Variants in SORCS3 observed in about 807,000 individuals in gnomAD.
The protein encoded by SORCS3 is sortilin related VPS10 domain containing receptor 3.
Under a neutral mutation model 146.3 loss-of-function variants are expected in SORCS3, and 57 were observed. That is an observed-to-expected ratio of 0.39 (90% CI 0.31 to 0.49). The LOEUF is 0.49. Ranked by LOEUF, SORCS3 falls within the 20% of genes least tolerant of loss-of-function variation. SORCS3 has a pLI of 0.92. For missense variants in SORCS3, 1,341 were observed against 1,575.5 expected (o/e 0.85, Z 2.52); for synonymous variants, 653 against 618.5 (o/e 1.06, Z -0.83).
intron 1 of SORCS3, among the ~76,000 whole-genome samples, chr10:104,832,750 T>TAAATAAATAAAC (rs58541807): frequency 0.017 from 2,530 of 151,852 alleles, 23 homozygotes; most frequent in South Asian, 0.029. Context: ...AATAAATAAA[T>TAAATAAATAAAC]GAACGAACGA....
chr10:105,138,161 T>C (rs959184232), intron 7 of SORCS3, among the ~76,000 whole-genome samples: 2 of 152,164 alleles, frequency 1.3e-5, no homozygotes, highest in Non-Finnish European at 2.9e-5. Context: ...AAAACCAGTC[T>C]CTCTTCTTGG....
At chr10:105,218,224 G>A (rs1293919343) in intron 19 of SORCS3, among the ~76,000 whole-genome samples, 2 of 152,176 alleles carry the variant, frequency 1.3e-5, no homozygotes, top group Non-Finnish European at 2.9e-5. Context: ...CCCTAAAAAT[G>A]CCAGGCTACA....
intron 5 of SORCS3, among the ~76,000 whole-genome samples, chr10:105,068,878 C>A (rs928671282): frequency 6.6e-6 from 1 of 152,104 alleles, no homozygotes; most frequent in African/African-American, 2.4e-5. Context: ...TAGTAAGATG[C>A]CTTTATAGAT....
Position 105,157,183 on chromosome 10 carries a change from G to C in SORCS3, c.1528G>C (p.Asp510His), listed in dbSNP as rs62620040. The change falls in exon 10 of 27, where the codon GAC becomes CAC. Residue 510 changes from aspartate (D) to histidine (H), a missense_variant. Coordinates refer to ENST00000369701, the MANE Select transcript of SORCS3 (RefSeq NM_014978.3). ...GIFLANKKVD[D>H]QVKTYITYNK... ...ATTTCTGGCAAACAAGAAGGTGGAC[G>C]ACCAGGTGAAGACATACATCACTTA... 5.0e-6 allele frequency: 8 copies of C among 1,613,982 alleles called. No homozygotes were observed. The highest frequency in any genetic ancestry group is 1.7e-4 in the Middle Eastern group (1 of 6,058).
intron 16 of SORCS3, among the ~76,000 whole-genome samples, chr10:105,209,011 G>C (rs992115449): frequency 5.3e-5 from 8 of 152,094 alleles, no homozygotes; most frequent in Admixed American, 1.3e-4. Flanking sequence ...CATGATTCTT[G>C]TCACATTAAC....
chr10:105,171,749 A>G (rs1000316286), intron 13 of SORCS3, among the ~76,000 whole-genome samples: 11 of 152,300 alleles, frequency 7.2e-5, no homozygotes, highest in African/African-American at 1.4e-4. Flanking sequence ...TTGATTCTCA[A>G]TGACCACTGT....
At chr10:104,890,364 A>G (rs767727406) in intron 2 of SORCS3, among the ~76,000 whole-genome samples, 11 of 151,276 alleles carry the variant, frequency 7.3e-5, no homozygotes, top group Non-Finnish European at 1.3e-4. Context: ...TTTGTGTTTC[A>G]TTTTGGTATG....
intron 6 of SORCS3, among the ~76,000 whole-genome samples, chr10:105,096,001 A>G (rs558637701): frequency 6.6e-6 from 1 of 151,990 alleles, no homozygotes; most frequent in African/African-American, 2.4e-5. Flanking sequence ...TGCTTTTCTT[A>G]TGTTTGTTCA....
At chr10:104,681,991 G>T (rs1341681269) in intron 1 of SORCS3, among the ~76,000 whole-genome samples, 1 of 151,936 alleles carries the variant, frequency 6.6e-6, no homozygotes, top group Admixed American at 6.6e-5. Flanking sequence ...TCTATTGATT[G>T]CCTGTCCTCT....
At chr10:105,193,371 A>G (rs1471228909) in intron 14 of SORCS3, among the ~76,000 whole-genome samples, 1 of 152,192 alleles carries the variant, frequency 6.6e-6, no homozygotes, top group Non-Finnish European at 1.5e-5. Flanking sequence ...GAAGTGAATG[A>G]TTTTGTTAGA....
intron 7 of SORCS3, among the ~76,000 whole-genome samples, chr10:105,123,312 C>A (rs2133766774): frequency 6.6e-6 from 1 of 152,312 alleles, no homozygotes; most frequent in East Asian, 1.9e-4. Flanking sequence ...CACAAGTTGT[C>A]TTGCTCTACA....
chr10:105,080,681 C>A (rs2055618457), intron 5 of SORCS3, among the ~76,000 whole-genome samples: 1 of 152,016 alleles, frequency 6.6e-6, no homozygotes, highest in Non-Finnish European at 1.5e-5. Flanking sequence ...TTGGGTTTTA[C>A]ATTTAAGTCT....
intron 1 of SORCS3, among the ~76,000 whole-genome samples, chr10:104,695,870 AAT>A (rs1479957904): frequency 6.7e-6 from 1 of 149,874 alleles, no homozygotes; most frequent in East Asian, 1.9e-4. Flanking sequence ...ATTAATTCAC[AAT>A]AGTCAAAATA....
rs548766245 is a variant in SORCS3, at chr10:104,793,283, C to G, written c.628-49509C>G. ...GCCCAAGGTCATACAGCCAGTAACC[C>G]GTGAACCTATAATTCAATCCCAGGT... is the stretch of plus-strand genomic sequence containing the variant. On this transcript the variant is annotated intron_variant, in intron 1 of 26. Transcript: ENST00000369701. Among the ~76,000 whole-genome samples the G allele has an allele frequency of 9.4e-4, 143 of 152,164 alleles. 1 individual carries two copies. The highest frequency in any genetic ancestry group is 3.3e-3 in the South Asian group (16 of 4,802).
chr10:104,790,666 A>G (rs1431721536), intron 1 of SORCS3, among the ~76,000 whole-genome samples: 1 of 152,188 alleles, frequency 6.6e-6, no homozygotes, highest in Non-Finnish European at 1.5e-5. Context: ...CTAAAAATGT[A>G]TAAGCTCTCT....
At chr10:104,912,458 G>A (rs2133597689) in intron 2 of SORCS3, among the ~76,000 whole-genome samples, 1 of 152,322 alleles carries the variant, frequency 6.6e-6, no homozygotes, top group East Asian at 1.9e-4. Flanking sequence ...TACTACAAGT[G>A]AATTACAGAC....
Position 104,784,291 on chromosome 10 carries a change from C to A in SORCS3, c.628-58501C>A, listed in dbSNP as rs556765940. Reference sequence around the variant, plus strand: ...AACTTGGTGGTGGGGTGGGAGGGTGCTCCTGGTATCTAGTGAGTAGAGGCC... The same window carrying A: ...AACTTGGTGGTGGGGTGGGAGGGTGATCCTGGTATCTAGTGAGTAGAGGCC... On this transcript the variant is annotated intron_variant, in intron 1 of 26. Coordinates refer to ENST00000369701, the MANE Select transcript of SORCS3 (RefSeq NM_014978.3). Among the ~76,000 whole-genome samples, 115 of 152,242 alleles carry A rather than the reference C, an allele frequency of 7.6e-4. 1 individual carries two copies. Among genetic ancestry groups the A allele is most frequent in the African/African-American group, 2.6e-3 (110 of 41,538 alleles).
intron 25 of SORCS3, among the ~76,000 whole-genome samples, chr10:105,257,217 T>C (rs1219501772): frequency 6.6e-6 from 1 of 152,212 alleles, no homozygotes; most frequent in Non-Finnish European, 1.5e-5. Context: ...CAAACCTCAA[T>C]CAAACTTCTA....
chr10:105,088,511 G>C (rs1429689861), intron 5 of SORCS3, among the ~76,000 whole-genome samples: 1 of 120,866 alleles, frequency 8.3e-6, no homozygotes, highest in Non-Finnish European at 2.0e-5. Flanking sequence ...CATACCACTT[G>C]CTGCCGAAGT....
Sources: allele counts gnomAD v4.1 joint callset (sites outside exome capture counted in the v4.1 genomes callset), GRCh38; gene constraint gnomAD v4.1.1; transcripts MANE v1.5; gene names NCBI Gene and HGNC (gene_info 2026-07-23, HGNC 2026-07-21).